Variants in SIGLECL1 observed in about 807,000 individuals in gnomAD.
SIGLECL1 encodes SIGLEC family like 1.
A neutral mutation model predicts 19.1 loss-of-function variants in SIGLECL1; 16 were observed. The ratio of observed to expected loss-of-function variants is 0.84; its 90% CI spans 0.57 to 1.27. SIGLECL1 has a LOEUF of 1.27. Ranked by LOEUF, SIGLECL1 falls within the 50% of genes most tolerant of loss-of-function variation. The pLI is 0.00. For synonymous variants in SIGLECL1, 89 were observed against 90.4 expected (o/e 0.98, Z 0.09); for missense variants, 210 against 239.4 (o/e 0.88, Z 0.81).
chr19:51,256,767 G>A lies in SIGLECL1; in HGVS notation c.-191+5222G>A, dbSNP rs376561463. Reference sequence around the variant, plus strand: ...CATACATACATCAAAACGTCATGTCGTACACCTTAAGTATATACAATTTTT... The same window carrying A: ...CATACATACATCAAAACGTCATGTCATACACCTTAAGTATATACAATTTTT... On this transcript the variant is annotated intron_variant, in intron 1 of 5. Coordinates refer to ENST00000601727, the MANE Select transcript of SIGLECL1 (RefSeq NM_001385465.1). Among the ~76,000 whole-genome samples the A allele has an allele frequency of 5.9e-5, 9 of 152,142 alleles. 1 individual carries two copies. The highest frequency in any genetic ancestry group is 3.9e-4 in the East Asian group (2 of 5,182).
chr19:51,249,245 A>G (rs1329612291), upstream of SIGLECL1, among the ~76,000 whole-genome samples: 2 of 152,102 alleles, frequency 1.3e-5, no homozygotes, highest in Non-Finnish European at 2.9e-5. Context: ...AGAAGCGAGG[A>G]AAAGCAGTTT....
chr19:51,246,505 T>C (rs1187623782), upstream of SIGLECL1: 1 of 151,836 alleles, frequency 6.6e-6, no homozygotes, highest in African/African-American at 2.4e-5. Context: ...TAGGGGAGGG[T>C]GTGGCAGGTC....
upstream of SIGLECL1, among the ~76,000 whole-genome samples, chr19:51,249,063 T>G (rs575214000): frequency 6.6e-6 from 1 of 152,082 alleles, no homozygotes; most frequent in East Asian, 1.9e-4. Flanking sequence ...CACAGTATGA[T>G]AAGGTTCCTA....
chr19:51,263,953 TC>T lies in SIGLECL1; in HGVS notation c.-116del. On this transcript the variant is annotated 5_prime_UTR_variant, in exon 2 of 6. Transcript: ENST00000601727. ...GCTAAAGATACTTCTGCTCTCCCCA[TC>T]CCCACATCCTCTTTCAGTTACGCAT... The T allele has an allele frequency of 7.7e-7, 1 of 1,294,986 alleles. No homozygotes were observed. Among genetic ancestry groups the T allele is most frequent in the Non-Finnish European group, 1.1e-6 (1 of 921,682 alleles). 80.2% of individuals were successfully genotyped at this position (1,294,986 alleles called of 1,614,324 possible).
chr19:51,251,897 C>T (rs1205165004), intron 1 of SIGLECL1, among the ~76,000 whole-genome samples: 1 of 152,148 alleles, frequency 6.6e-6, no homozygotes, highest in Admixed American at 6.5e-5. Flanking sequence ...AGGAAATACA[C>T]AGATGGAAGT....
intron 1 of SIGLECL1, among the ~76,000 whole-genome samples, chr19:51,262,052 C>T (rs1172429839): frequency 2.0e-5 from 3 of 152,172 alleles, no homozygotes; most frequent in South Asian, 4.1e-4. Context: ...GATGCAAGCA[C>T]GTTGTATGTG....
chr19:51,256,729 T>A (rs1982834088), intron 1 of SIGLECL1, among the ~76,000 whole-genome samples: 1 of 152,206 alleles, frequency 6.6e-6, no homozygotes, highest in African/African-American at 2.4e-5. Flanking sequence ...ATTGTGGTAA[T>A]CATTCCACAG....
chr19:51,249,325 G>A (rs1302934596), upstream of SIGLECL1, among the ~76,000 whole-genome samples: 3 of 152,152 alleles, frequency 2.0e-5, no homozygotes, highest in East Asian at 5.8e-4. Flanking sequence ...GGTAATAGCA[G>A]TCAGTCTGCT....
At chr19:51,268,095 G>T (rs987676984) in intron 5 of SIGLECL1, among the ~76,000 whole-genome samples, 1 of 152,176 alleles carries the variant, frequency 6.6e-6, no homozygotes, top group Non-Finnish European at 1.5e-5. Context: ...AACAGTTGGT[G>T]TCCTTTTGTA....
chr19:51,258,984 C>T lies in SIGLECL1; in HGVS notation c.-190-4899C>T, dbSNP rs937319431. Among the ~76,000 whole-genome samples, 3 of 152,158 alleles carry T rather than the reference C, an allele frequency of 2.0e-5. No individual in the cohort carries two copies. In the East Asian group the frequency reaches 5.8e-4, roughly 29 times the overall value. On this transcript the variant is annotated intron_variant, in intron 1 of 5. Coordinates refer to ENST00000601727, the MANE Select transcript of SIGLECL1 (RefSeq NM_001385465.1). Reference sequence around the variant, plus strand: ...TCTGACCTCAGATCTCCTGAGGGGACGAACATGTGATCTAATCAAGATAAA... The same window carrying T: ...TCTGACCTCAGATCTCCTGAGGGGATGAACATGTGATCTAATCAAGATAAA...
At chr19:51,257,409 CA>C (rs36025416) in intron 1 of SIGLECL1, among the ~76,000 whole-genome samples, 19,559 of 125,000 alleles carry the variant, frequency 0.16, 1,846 homozygotes, top group Admixed American at 0.35. Flanking sequence ...GAAACTGTCT[CA>C]AAAAAAAAAA....
At chr19:51,247,199 G>A (rs541434856), upstream of SIGLECL1, among the ~76,000 whole-genome samples, 169 of 152,230 alleles carry the variant, frequency 1.1e-3, no homozygotes, top group African/African-American at 3.8e-3. Context: ...GTTGAGCAGC[G>A]TCTCTAGGTT....
chr19:51,250,151 A>G (rs1419025731), upstream of SIGLECL1, among the ~76,000 whole-genome samples: 1 of 151,020 alleles, frequency 6.6e-6, no homozygotes, highest in Non-Finnish European at 1.5e-5. Flanking sequence ...CAGTGGTGCA[A>G]TCTCGGCTCA....
chr19:51,256,237 C>T (rs1982800547), intron 1 of SIGLECL1, among the ~76,000 whole-genome samples: 1 of 152,074 alleles, frequency 6.6e-6, no homozygotes, highest in Non-Finnish European at 1.5e-5. Context: ...TTTCATTTTA[C>T]ATCATTTCAC....
At chr19:51,250,748 G>A (rs983245255), upstream of SIGLECL1, among the ~76,000 whole-genome samples, 5 of 152,198 alleles carry the variant, frequency 3.3e-5, no homozygotes, top group African/African-American at 7.2e-5. Flanking sequence ...CCCTGGCACC[G>A]CCCCCAGCTG....
intron 1 of SIGLECL1, among the ~76,000 whole-genome samples, chr19:51,253,307 G>C (rs112177318): frequency 0.016 from 2,372 of 152,204 alleles, 36 homozygotes; most frequent in African/African-American, 0.045. Flanking sequence ...TAGGCCTAGA[G>C]AGAGGTGAAG....
chr19:51,257,979 T>C (rs1982932594), intron 1 of SIGLECL1: 1 of 152,238 alleles, frequency 6.6e-6, no homozygotes, highest in Non-Finnish European at 1.5e-5. Context: ...TGTCCATGAC[T>C]CCACAGGGAG....
At position 51,265,540 on chromosome 19, in the gene SIGLECL1, G is replaced by T; in HGVS notation, c.195G>T (p.Trp65Cys). The change falls in exon 3 of 6, where the codon TGG becomes TGT. Residue 65 changes from tryptophan (W) to cysteine (C), a missense_variant. Transcript: ENST00000601727. ...TGACTTCCACCATGCTTGGCCCCTG[G>T]GCTAACAGCACCATCAGCCTAACTG... Reference protein sequence around the residue: ...LQVTSTMLGPWANSTISLTEE... With the variant: ...LQVTSTMLGPCANSTISLTEE... 3 of 1,614,118 alleles carry T rather than the reference G, an allele frequency of 1.9e-6. No individual in the cohort carries two copies. The highest frequency in any genetic ancestry group is 2.5e-6 in the Non-Finnish European group (3 of 1,180,014).
rs753967644 is a variant in SIGLECL1, at chr19:51,268,534, T to C, written c.568-37T>C. 7 of 1,612,944 alleles carry C rather than the reference T, an allele frequency of 4.3e-6. No individual in the cohort carries two copies. In the Admixed American group the frequency reaches 6.7e-5, roughly 15 times the overall value. On this transcript the variant is annotated intron_variant, in intron 5 of 5. Transcript: ENST00000601727. ...CTCACCTCTAGACCTGTTCCAACAT[T>C]CTTTTTTCTTTGTTCTATTTTGCAC...
Sources: gnomAD v4.1 joint callset for allele counts (sites outside exome capture counted in the v4.1 genomes callset) on GRCh38, gnomAD v4.1.1 for gene constraint, MANE v1.5 for transcripts, NCBI Gene and HGNC (gene_info 2026-07-23, HGNC 2026-07-21) for gene names.